HS3ST5: variants seen among roughly 807,000 people sequenced by gnomAD.
HS3ST5 encodes the protein heparan sulfate glucosamine 3-O-sulfotransferase 5.
In HS3ST5, 10 loss-of-function variants were observed where a neutral mutation model predicts 25.4. The ratio of observed to expected loss-of-function variants is 0.39; its 90% CI spans 0.24 to 0.67. The LOEUF (loss-of-function observed/expected upper bound fraction) is 0.67. Among genes scored for constraint, HS3ST5 ranks in the 30% least tolerant of loss-of-function variants. The pLI is 0.44. For synonymous variants in HS3ST5, 170 were observed against 162.4 expected (o/e 1.05, Z -0.36); for missense variants, 324 against 420.7 (o/e 0.77, Z 2.01).
intron 1 of HS3ST5, among the ~76,000 whole-genome samples, chr6:114,279,727 T>C (rs1365279288): frequency 6.6e-6 from 1 of 151,986 alleles, no homozygotes; most frequent in Non-Finnish European, 1.5e-5. Context: ...ATAGGACATG[T>C]CTCTTGCAGC....
At chr6:114,241,795 G>T (rs577885017) in intron 1 of HS3ST5, among the ~76,000 whole-genome samples, 1 of 152,276 alleles carries the variant, frequency 6.6e-6, no homozygotes, top group African/African-American at 2.4e-5. Context: ...AAGGAGAAGT[G>T]ATGCTGTACA....
intron 3 of HS3ST5, among the ~76,000 whole-genome samples, chr6:114,161,559 ATATATATATATATAT>A (rs1778969064): frequency 3.0e-5 from 3 of 100,076 alleles, no homozygotes; most frequent in South Asian, 3.2e-4. Context: ...ATATATATAT[ATATATATATATATAT>A]AAAATGCAAT....
chr6:114,283,834 A>T (rs1001690047), intron 1 of HS3ST5, among the ~76,000 whole-genome samples: 5 of 152,058 alleles, frequency 3.3e-5, no homozygotes, highest in African/African-American at 1.2e-4. Context: ...AAAATGATAC[A>T]TTTGCAAAAA....
chr6:114,161,271 T>G (rs1485703467), intron 3 of HS3ST5, among the ~76,000 whole-genome samples: 2 of 151,422 alleles, frequency 1.3e-5, no homozygotes, highest in Non-Finnish European at 2.9e-5. Context: ...TAAAATCAAC[T>G]TAATGGACTG....
intron 3 of HS3ST5, among the ~76,000 whole-genome samples, chr6:114,092,685 T>C (rs1322276965): frequency 6.6e-6 from 1 of 151,516 alleles, no homozygotes; most frequent in Non-Finnish European, 1.5e-5. Context: ...TTTTGTTTTT[T>C]TTTTTTTGAG....
chr6:114,135,565 C>T (rs1325927467), intron 3 of HS3ST5, among the ~76,000 whole-genome samples: 1 of 152,184 alleles, frequency 6.6e-6, no homozygotes, highest in African/African-American at 2.4e-5. Flanking sequence ...TCACTCTGCT[C>T]CTGGCTCATC....
chr6:114,295,330 T>G (rs1445951777), intron 1 of HS3ST5, among the ~76,000 whole-genome samples: 1 of 152,208 alleles, frequency 6.6e-6, no homozygotes, highest in Non-Finnish European at 1.5e-5. Context: ...GAGTAGGCAT[T>G]GATAGCAAGC....
intron 1 of HS3ST5, among the ~76,000 whole-genome samples, chr6:114,249,557 G>T (rs1257951403): frequency 6.6e-6 from 1 of 152,210 alleles, no homozygotes; most frequent in African/African-American, 2.4e-5. Flanking sequence ...TGCTAAGAGT[G>T]CTGGTTGCAG....
chr6:114,239,853 T>G (rs980754832), intron 1 of HS3ST5, among the ~76,000 whole-genome samples: 3 of 152,188 alleles, frequency 2.0e-5, no homozygotes, highest in Non-Finnish European at 2.9e-5. Context: ...TTAGGAACAT[T>G]CATGCATTTG....
intron 1 of HS3ST5, among the ~76,000 whole-genome samples, chr6:114,261,818 G>T (rs962699132): frequency 5.3e-5 from 8 of 152,150 alleles, no homozygotes; most frequent in Admixed American, 6.5e-5. Flanking sequence ...TTAAAAATCT[G>T]CAGGAGAGTG....
Position 114,245,134 on chromosome 6 carries a change from A to G in HS3ST5, c.-338-16356T>C, listed in dbSNP as rs543346386. Among the ~76,000 whole-genome samples the G allele has an allele frequency of 1.1e-4, 17 of 152,350 alleles. No individual in the cohort carries two copies. The South Asian group carries it at 1.5e-3, about 13-fold the overall frequency. On this transcript the variant is annotated intron_variant, in intron 1 of 4. Transcript: ENST00000312719. ...ATATTGAAAAAGCATCAGTAATTAC[A>G]TATCTACAGTTTGCAATTACAACAT...
At chr6:114,341,465 G>A (rs1776868119) in intron 1 of HS3ST5, among the ~76,000 whole-genome samples, 1 of 152,112 alleles carries the variant, frequency 6.6e-6, no homozygotes, top group Non-Finnish European at 1.5e-5. Context: ...CTTGCAGGTT[G>A]CCCTAAACCA....
chr6:114,068,767 A>G (rs1340612574), intron 3 of HS3ST5, among the ~76,000 whole-genome samples: 1 of 152,234 alleles, frequency 6.6e-6, no homozygotes, highest in Non-Finnish European at 1.5e-5. Context: ...TATATAAAAA[A>G]TGCTTGAAGA....
chr6:114,133,665 A>G (rs1178851087), intron 3 of HS3ST5, among the ~76,000 whole-genome samples: 1 of 152,222 alleles, frequency 6.6e-6, no homozygotes, highest in Non-Finnish European at 1.5e-5. Context: ...CACCAAAAAT[A>G]TAAGAAAAAT....
At chr6:114,144,421 C>A (rs1218435754) in intron 3 of HS3ST5, among the ~76,000 whole-genome samples, 1 of 152,146 alleles carries the variant, frequency 6.6e-6, no homozygotes, top group Non-Finnish European at 1.5e-5. Context: ...TTAGTTACAT[C>A]ACAAAGAAAG....
At chr6:114,268,935 C>T (rs1773523393) in intron 1 of HS3ST5, among the ~76,000 whole-genome samples, 2 of 152,108 alleles carry the variant, frequency 1.3e-5, no homozygotes, top group Admixed American at 6.5e-5. Flanking sequence ...GCTGCCCATT[C>T]CTCATGCTAG....
intron 3 of HS3ST5, among the ~76,000 whole-genome samples, chr6:114,071,218 A>G (rs1294490314): frequency 6.6e-6 from 1 of 152,140 alleles, no homozygotes; most frequent in Non-Finnish European, 1.5e-5. Flanking sequence ...GATCTGTCAA[A>G]TGGGATACCA....
At chr6:114,268,881 A>C (rs1181550103) in intron 1 of HS3ST5, among the ~76,000 whole-genome samples, 1 of 152,190 alleles carries the variant, frequency 6.6e-6, no homozygotes, top group African/African-American at 2.4e-5. Flanking sequence ...CTGACCACAG[A>C]AGGTCACTGA....
At chr6:114,330,888 C>T (rs1005724359) in intron 1 of HS3ST5, among the ~76,000 whole-genome samples, 1 of 152,176 alleles carries the variant, frequency 6.6e-6, no homozygotes, top group Non-Finnish European at 1.5e-5. Flanking sequence ...CAGTAAACCA[C>T]TGGCACAGGA....
Sources: allele counts gnomAD v4.1 joint callset (sites outside exome capture counted in the v4.1 genomes callset), GRCh38; gene constraint gnomAD v4.1.1; transcripts MANE v1.5; gene names NCBI Gene and HGNC (gene_info 2026-07-23, HGNC 2026-07-21).